Variants in PCDH9 observed in about 807,000 individuals in gnomAD.
The protein encoded by PCDH9 is protocadherin 9, also known as protocadherin-9.
PCDH9 carries 24 observed loss-of-function variants against 70.6 expected under a neutral mutation model. The ratio of observed to expected loss-of-function variants is 0.34; its 90% confidence interval spans 0.25 to 0.48. The LOEUF (loss-of-function observed/expected upper bound fraction) is 0.48. Ranked by LOEUF, PCDH9 falls within the 20% of genes least tolerant of loss-of-function variation. The probability of loss-of-function intolerance (pLI) is 0.99; values close to 1 mark genes in which losing one functional copy is unlikely to be tolerated. For missense variants in PCDH9, 1,281 were observed against 1,503.6 expected, an observed-to-expected ratio of 0.85 and a Z score of 2.45; for synonymous variants, 562 against 558.5, an observed-to-expected ratio of 1.01 and a Z score of -0.09.
chr13:67,220,666 T>C (rs1335617775), intron 2 of PCDH9: 1 of 152,048 alleles, frequency 6.6e-6, no homozygotes, highest in Non-Finnish European at 1.5e-5. Flanking sequence ...TGTTCCTTGT[T>C]TCTATATCTT....
chr13:67,104,995 G>T (rs140121102), intron 2 of PCDH9, among the ~76,000 whole-genome samples: 2 of 151,860 alleles, frequency 1.3e-5, no homozygotes, highest in Admixed American at 6.6e-5. Context: ...CAGGATCATT[G>T]TACTCTTGAA....
intron 2 of PCDH9, among the ~76,000 whole-genome samples, chr13:66,916,023 T>C (rs2082551886): frequency 6.6e-6 from 1 of 151,490 alleles, no homozygotes; most frequent in Admixed American, 6.6e-5. Flanking sequence ...CATTACAGAT[T>C]TTTTTCCTCA....
chr13:66,456,191 A>C (rs912074816), intron 4 of PCDH9, among the ~76,000 whole-genome samples: 11 of 152,180 alleles, frequency 7.2e-5, no homozygotes, highest in African/African-American at 2.7e-4. Flanking sequence ...GAAAATTCAA[A>C]TACAAATTTT....
chr13:66,778,964 T>C (rs1020078480), intron 3 of PCDH9, among the ~76,000 whole-genome samples: 4 of 152,224 alleles, frequency 2.6e-5, no homozygotes, highest in African/African-American at 9.6e-5. Context: ...TTCAGTTTCT[T>C]TCACATTTTC....
At chr13:66,361,911 T>C (rs1201354832) in intron 4 of PCDH9, among the ~76,000 whole-genome samples, 2 of 152,172 alleles carry the variant, frequency 1.3e-5, no homozygotes, top group Admixed American at 1.3e-4. Flanking sequence ...ATCTCTTGGA[T>C]TACACTAAAA....
intron 3 of PCDH9, among the ~76,000 whole-genome samples, chr13:66,884,590 G>T (rs1291034014): frequency 6.6e-6 from 1 of 152,102 alleles, no homozygotes; most frequent in African/African-American, 2.4e-5. Context: ...AAGCAAGACT[G>T]GCTTTCCTAC....
chr13:66,751,926 A>G (rs2079465750), intron 3 of PCDH9, among the ~76,000 whole-genome samples: 1 of 152,220 alleles, frequency 6.6e-6, no homozygotes, highest in Non-Finnish European at 1.5e-5. Flanking sequence ...GCTGGTAACA[A>G]GAAACATGTA....
At chr13:66,430,662 T>TAAA (rs1252360012) in intron 4 of PCDH9, among the ~76,000 whole-genome samples, 3 of 152,048 alleles carry the variant, frequency 2.0e-5, no homozygotes, top group Non-Finnish European at 2.9e-5. Flanking sequence ...TGCTATTCAC[T>TAAA]CTGGGATAAC....
At chr13:66,357,926 G>A (rs964088073) in intron 4 of PCDH9, among the ~76,000 whole-genome samples, 5 of 120,588 alleles carry the variant, frequency 4.1e-5, no homozygotes, top group East Asian at 2.5e-4. Context: ...CCTTCAATAC[G>A]TTTATTAATG....
In PCDH9 at chr13:66,917,458, T is replaced by A. The variant is rs1594257211; in HGVS notation, c.3037-13853A>T. On this transcript the variant is annotated intron_variant, in intron 2 of 4. Transcript: ENST00000377865. ...CATAACCACTAATGAGTTATTTGATTATCATAATCAGAAACACTAATCACT... is the reference window on the plus strand; with the variant it reads ...CATAACCACTAATGAGTTATTTGATAATCATAATCAGAAACACTAATCACT... Among the ~76,000 whole-genome samples, 3 of 151,536 alleles carry A rather than the reference T, an allele frequency of 2.0e-5. No homozygotes were observed. In the South Asian group the frequency reaches 6.2e-4, roughly 31 times the overall value.
At chr13:66,405,839 G>A (rs1039015049) in intron 4 of PCDH9, among the ~76,000 whole-genome samples, 1 of 152,070 alleles carries the variant, frequency 6.6e-6, no homozygotes, top group Non-Finnish European at 1.5e-5. Flanking sequence ...GGTTTATAAT[G>A]GTTAATCTAG....
chr13:66,419,100 G>T (rs1957515149), intron 4 of PCDH9, among the ~76,000 whole-genome samples: 1 of 151,974 alleles, frequency 6.6e-6, no homozygotes, highest in Non-Finnish European at 1.5e-5. Context: ...ATTATTAATA[G>T]CCTACCAACC....
chr13:67,194,421 C>A (rs2089004411), intron 2 of PCDH9, among the ~76,000 whole-genome samples: 1 of 151,042 alleles, frequency 6.6e-6, no homozygotes, highest in Non-Finnish European at 1.5e-5. Context: ...TCAAAAAAAA[C>A]TACATTGTTA....
chr13:66,406,334 G>T (rs550970767), intron 4 of PCDH9, among the ~76,000 whole-genome samples: 2 of 152,212 alleles, frequency 1.3e-5, no homozygotes, highest in South Asian at 4.1e-4. Context: ...TAACTATATG[G>T]ACACCTTCCA....
At chr13:66,508,592 CA>C (rs1272761560) in intron 4 of PCDH9, among the ~76,000 whole-genome samples, 1 of 152,028 alleles carries the variant, frequency 6.6e-6, no homozygotes, top group Non-Finnish European at 1.5e-5. Context: ...AACTTTGTAC[CA>C]CTTAGTCAAG....
chr13:66,937,349 G>A (rs1240994777), intron 2 of PCDH9, among the ~76,000 whole-genome samples: 1 of 152,176 alleles, frequency 6.6e-6, no homozygotes. Context: ...TAAACCGCCT[G>A]TTCTTAGTTA....
chr13:66,713,630 T>TAC (rs2078827872), intron 3 of PCDH9, among the ~76,000 whole-genome samples: 1 of 65,424 alleles, frequency 1.5e-5, no homozygotes, highest in African/African-American at 3.8e-5. Context: ...TGTGTGTATA[T>TAC]ATATATATAT....
At chr13:66,482,270 C>T (rs1958854789) in intron 4 of PCDH9, among the ~76,000 whole-genome samples, 1 of 152,212 alleles carries the variant, frequency 6.6e-6, no homozygotes, top group Non-Finnish European at 1.5e-5. Context: ...TTTCACTCTG[C>T]CATTTTTGGC....
At chr13:67,223,894 A>G (rs1310353072) in intron 2 of PCDH9, 1 of 152,138 alleles carries the variant, frequency 6.6e-6, no homozygotes, top group African/African-American at 2.4e-5. Context: ...GGTAATATGT[A>G]TTATACTTGA....
Sources: gnomAD v4.1 joint callset for allele counts (sites outside exome capture counted in the v4.1 genomes callset) on GRCh38, gnomAD v4.1.1 for gene constraint, MANE v1.5 for transcripts, NCBI Gene and HGNC (gene_info 2026-07-23, HGNC 2026-07-21) for gene names.